EEIG1: variants seen among roughly 807,000 people sequenced by gnomAD.
The protein encoded by EEIG1 is estrogen-induced osteoclastogenesis regulator 1.
the EEIG1 span, among the ~76,000 whole-genome samples, chr9:127,980,864 C>G: frequency 2.7e-5 from 4 of 149,170 alleles, no homozygotes; most frequent in East Asian, 7.8e-4. Flanking sequence ...CCCGGCGGAG[C>G]TGAGGCGCCC....
chr9:127,964,773 G>T, the EEIG1 span, among the ~76,000 whole-genome samples: 1 of 152,144 alleles, frequency 6.6e-6, no homozygotes, highest in Non-Finnish European at 1.5e-5. Flanking sequence ...CAAAGAGAGG[G>T]GTGAGGTCCA....
the EEIG1 span, among the ~76,000 whole-genome samples, chr9:127,956,424 T>A: frequency 1.3e-5 from 2 of 152,222 alleles, no homozygotes; most frequent in Non-Finnish European, 2.9e-5. Flanking sequence ...TTATTTATTT[T>A]TTTGAGATGG....
chr9:127,947,594 C>T, the EEIG1 span, among the ~76,000 whole-genome samples: 18 of 152,256 alleles, frequency 1.2e-4, no homozygotes, highest in Admixed American at 5.9e-4. Flanking sequence ...GCAAACTGGC[C>T]AGTCAAAGTC....
the EEIG1 span, among the ~76,000 whole-genome samples, chr9:127,959,319 A>T: frequency 6.6e-6 from 1 of 152,264 alleles, no homozygotes; most frequent in Non-Finnish European, 1.5e-5. Context: ...TTCAGCAATA[A>T]AGAGAAATGA....
chr9:127,973,750 C>T, the EEIG1 span, among the ~76,000 whole-genome samples: 47 of 152,254 alleles, frequency 3.1e-4, no homozygotes, highest in South Asian at 1.9e-3. This position sits in a 1 kb window ranked among gnomAD's most constrained non-coding sequence, Gnocchi z 4.2. Flanking sequence ...CCCACTTCTG[C>T]CAGCAGGGCT....
chr9:127,942,806 C>A, the EEIG1 span: 1 of 278,182 alleles, frequency 3.6e-6, no homozygotes, highest in Non-Finnish European at 7.1e-6. Context: ...GGTAGAGAGG[C>A]CCCCTCAGCC....
the EEIG1 span, among the ~76,000 whole-genome samples, chr9:127,978,883 G>T: frequency 6.6e-6 from 1 of 151,992 alleles, no homozygotes; most frequent in African/African-American, 2.4e-5. Flanking sequence ...TGGGTGTGGT[G>T]GTTGGCACCT....
chr9:127,963,140 CTCTT>C, the EEIG1 span, among the ~76,000 whole-genome samples: 1 of 152,232 alleles, frequency 6.6e-6, no homozygotes, highest in Admixed American at 6.5e-5. Context: ...TTATCAGAGA[CTCTT>C]TCTTCGTTTC....
the EEIG1 span, chr9:127,948,510 C>T: frequency 7.8e-7 from 1 of 1,286,940 alleles, no homozygotes; most frequent in African/African-American, 1.5e-5. Context: ...CTCAGAAGGG[C>T]TTGGATTCCA....
chr9:127,979,876 A>T, the EEIG1 span: 1 of 1,301,818 alleles, frequency 7.7e-7, no homozygotes. Flanking sequence ...CCCCAGGCAC[A>T]CAGAATCCCC....
At chr9:127,968,619 G>A in the EEIG1 span, among the ~76,000 whole-genome samples, 4 of 152,216 alleles carry the variant, frequency 2.6e-5, no homozygotes, top group South Asian at 2.1e-4. Flanking sequence ...TCTGCAGAGT[G>A]TAAGGGGCCA....
chr9:127,964,549 A>G, the EEIG1 span, among the ~76,000 whole-genome samples: 19 of 152,238 alleles, frequency 1.2e-4, no homozygotes, highest in Non-Finnish European at 2.4e-4. Context: ...GCAAAAGTGC[A>G]TGCCTGGCTG....
chr9:127,980,115 T>C, the EEIG1 span: 20 of 1,613,258 alleles, frequency 1.2e-5, no homozygotes, highest in Non-Finnish European at 1.7e-5. Flanking sequence ...TTTGAATTTC[T>C]TCTTCTTCAT....
chr9:127,969,888 C>T, the EEIG1 span, among the ~76,000 whole-genome samples: 1 of 152,122 alleles, frequency 6.6e-6, no homozygotes, highest in Non-Finnish European at 1.5e-5. Context: ...ACTCAGGCAT[C>T]CACCCAGCAC....
the EEIG1 span, among the ~76,000 whole-genome samples, chr9:127,971,998 G>C: frequency 6.6e-6 from 1 of 152,108 alleles, no homozygotes; most frequent in East Asian, 1.9e-4. Flanking sequence ...CATGTACTGA[G>C]CGGCCGCTGT....
At chr9:127,942,782 T>C in the EEIG1 span, 1 of 240,034 alleles carries the variant, frequency 4.2e-6, no homozygotes, top group African/African-American at 2.3e-5. Context: ...GCTCCTGGAG[T>C]GAGTGGGGAC....
the EEIG1 span, among the ~76,000 whole-genome samples, chr9:127,954,991 C>T: frequency 2.6e-5 from 4 of 152,200 alleles, no homozygotes; most frequent in Non-Finnish European, 5.9e-5. Flanking sequence ...GGCAGCGGCA[C>T]GTGGCAGAAC....
chr9:127,975,539 AG>A, the EEIG1 span, among the ~76,000 whole-genome samples: 187 of 152,208 alleles, frequency 1.2e-3, 1 homozygote, highest in African/African-American at 4.3e-3. Context: ...CAGGGGACAG[AG>A]GTCAGAGCCA....
At chr9:127,961,594 G>A in the EEIG1 span, among the ~76,000 whole-genome samples, 1 of 152,196 alleles carries the variant, frequency 6.6e-6, no homozygotes, top group Non-Finnish European at 1.5e-5. Context: ...TCTGGCAGTG[G>A]GTGGAAGACA....
Sources: allele counts gnomAD v4.1 joint callset (sites outside exome capture counted in the v4.1 genomes callset), GRCh38; gene constraint gnomAD v4.1.1; non-coding constraint Gnocchi (gnomAD v3.1); transcripts MANE v1.5; gene names NCBI Gene and HGNC (gene_info 2026-07-23, HGNC 2026-07-21).